The following PAH variants were observed in gnomAD, a reference collection of about 807,000 sequenced individuals.
PAH encodes phenylalanine hydroxylase.
PAH carries 64 observed loss-of-function variants against 62.0 expected under a neutral mutation model. The ratio of observed to expected loss-of-function variants is 1.03; its 90% CI spans 0.84 to 1.27. PAH has a LOEUF of 1.27. PAH is among the 50% of genes most tolerant of loss of function. The pLI, the probability that PAH is intolerant of heterozygous loss-of-function variation, is 0.00. For synonymous variants in PAH, 195 were observed against 196.2 expected (o/e 0.99, Z 0.05); for missense variants, 579 against 542.8 (o/e 1.07, Z -0.66).
upstream of PAH, chr12:102,958,399 A>G (rs1411842770): frequency 5.0e-6 from 7 of 1,403,070 alleles, no homozygotes; most frequent in Non-Finnish European, 5.8e-6. Context: ...AGCGCGCAGC[A>G]GCAGCAGCAG....
At chr12:102,852,690 C>T in intron 7 of PAH, 125 bp downstream of exon 7, 1 of 1,182,794 alleles carries the variant, frequency 8.5e-7, no homozygotes, top group South Asian at 1.2e-5. Context: ...TTTAGTACTA[C>T]CAGCAAACAG....
Position 102,877,457 on chromosome 12 carries a change from C to T in PAH, c.441+5G>A, listed in dbSNP as rs62507321. The T allele has an allele frequency of 6.2e-7, 1 of 1,610,430 alleles. No homozygotes were observed. Among genetic ancestry groups the T allele is most frequent in the Non-Finnish European group, 8.5e-7 (1 of 1,176,680 alleles). On this transcript the variant is annotated splice_donor_5th_base_variant and intron_variant, in intron 4 of 12. Coordinates refer to ENST00000553106, the MANE Select transcript of PAH (RefSeq NM_000277.3). ...AAAATCTCATCCTACGGGCCATGGA[C>T]TCACAGGGTGGTCAGCATCCAGTTC...
At chr12:102,942,646 C>T (rs1461178573) in intron 1 of PAH, among the ~76,000 whole-genome samples, 2 of 152,108 alleles carry the variant, frequency 1.3e-5, no homozygotes, top group East Asian at 1.9e-4. Context: ...AGAGGCATCA[C>T]ACTACCCAAC....
rs530451536 is a variant in PAH, at chr12:102,841,078, C to T, written c.1200-563G>A. Among the ~76,000 whole-genome samples the T allele has an allele frequency of 2.1e-3, 317 of 152,232 alleles. 1 individual carries two copies. Among genetic ancestry groups the T allele is most frequent in the Non-Finnish European group, 3.9e-3 (262 of 68,004 alleles). On this transcript the variant is annotated intron_variant, in intron 11 of 12. Coordinates refer to ENST00000553106, the MANE Select transcript of PAH (RefSeq NM_000277.3). ...CACAAAAACCTTAGGAGAAAGGCAC[C>T]ATTGCTATACCCATTTTATGGATGA...
At chr12:102,941,604 C>CT (rs1879290723) in intron 1 of PAH, among the ~76,000 whole-genome samples, 1 of 152,108 alleles carries the variant, frequency 6.6e-6, no homozygotes. Flanking sequence ...AACCAGAAGG[C>CT]TTAACTATCC....
intron 5 of PAH, among the ~76,000 whole-genome samples, chr12:102,860,154 C>G (rs1270967376): frequency 6.6e-6 from 1 of 152,162 alleles, no homozygotes; most frequent in Non-Finnish European, 1.5e-5. Context: ...AATCAATGTG[C>G]AAAAATCACA....
intron 5 of PAH, among the ~76,000 whole-genome samples, chr12:102,860,182 A>G: frequency 6.6e-6 from 1 of 152,178 alleles, no homozygotes; most frequent in East Asian, 1.9e-4. Context: ...TTATACACCA[A>G]TAACAGACAA....
At chr12:102,955,060 G>A (rs1879872790), upstream of PAH, among the ~76,000 whole-genome samples, 1 of 152,208 alleles carries the variant, frequency 6.6e-6, no homozygotes, top group Non-Finnish European at 1.5e-5. Context: ...TGTTCTGGCG[G>A]TTTTGGCCAG....
At chr12:102,920,315 G>A (rs1878520234), upstream of PAH, among the ~76,000 whole-genome samples, 1 of 152,138 alleles carries the variant, frequency 6.6e-6, no homozygotes, top group African/African-American at 2.4e-5. Flanking sequence ...GGGTGCTAAG[G>A]AAATGGAGGA....
At chr12:102,896,851 G>T (rs1237695834) in intron 2 of PAH, among the ~76,000 whole-genome samples, 2 of 152,298 alleles carry the variant, frequency 1.3e-5, no homozygotes, top group Middle Eastern at 3.4e-3. Context: ...TCATGGGCCA[G>T]GCTAGGTACT....
chr12:102,859,473 A>G (rs1875610902), intron 5 of PAH, among the ~76,000 whole-genome samples: 2 of 152,218 alleles, frequency 1.3e-5, no homozygotes, highest in Non-Finnish European at 2.9e-5. Flanking sequence ...AACTCATTTT[A>G]TGAGGCCAGC....
intron 2 of PAH, 31 bp downstream of exon 2, chr12:102,912,760 T>C (rs1250348172): frequency 7.1e-7 from 1 of 1,413,934 alleles, no homozygotes; most frequent in Admixed American, 1.7e-5. Flanking sequence ...GCTACGACAT[T>C]ATCCAAGACA....
intron 6 of PAH, chr12:102,854,887 G>A: frequency 1.8e-6 from 1 of 561,030 alleles, no homozygotes; most frequent in Non-Finnish European, 3.2e-6. Context: ...ATACTTTTCA[G>A]GGACAGGTAC....
intron 1 of PAH, among the ~76,000 whole-genome samples, chr12:102,948,339 A>G (rs4764923): frequency 0.15 from 22,244 of 152,106 alleles, 2,434 homozygotes; most frequent in African/African-American, 0.28. Flanking sequence ...GAGGCTACAT[A>G]TGGGAATGGA....
chr12:102,900,981 A>C (rs1877728461), intron 2 of PAH, among the ~76,000 whole-genome samples: 1 of 152,212 alleles, frequency 6.6e-6, no homozygotes, highest in South Asian at 2.1e-4. Flanking sequence ...TGGCAGCATA[A>C]AACCTTGCTA....
rs1281426722 is a variant in PAH, at chr12:102,957,518, G to A, written c.-96+677C>T. The stretch of plus-strand genomic sequence containing the variant: ...GGGGGAGAGGAGAGGAGGAGGGGGA[G>A]TTTAGGGAGTGGGTGGGAGGAAGAG... On this transcript the variant is annotated intron_variant, in intron 1 of 4. Coordinates refer to the PAH transcript ENST00000551337. This position sits in a 1 kb window ranked among gnomAD's most constrained non-coding sequence, Gnocchi z 4.1. 7.1e-6 allele frequency among the ~76,000 whole-genome samples: 1 copy of A among 141,056 alleles called. No individual in the cohort carries two copies. Among genetic ancestry groups the A allele is most frequent in the African/African-American group, 2.6e-5 (1 of 38,888 alleles). The allele number at this position is 141,056 out of a possible 152,430, so 92.5% of individuals were successfully genotyped here. A position where few individuals can be genotyped will look rare whatever the true frequency, so the allele number is the denominator to read the frequency against.
intron 1 of PAH, among the ~76,000 whole-genome samples, chr12:102,924,598 A>G (rs550268082): frequency 9.2e-5 from 14 of 152,290 alleles, no homozygotes; most frequent in Admixed American, 7.2e-4. Context: ...CCATCTCTGA[A>G]GACATTCCAT....
intron 4 of PAH, among the ~76,000 whole-genome samples, chr12:102,867,190 C>T (rs1241866059): frequency 2.6e-5 from 4 of 152,160 alleles, no homozygotes; most frequent in Admixed American, 2.0e-4. Context: ...CTTGCGAGTT[C>T]GATGAGTATG....
At chr12:102,866,369 G>A (rs1875961937) in intron 5 of PAH, among the ~76,000 whole-genome samples, 1 of 152,082 alleles carries the variant, frequency 6.6e-6, no homozygotes, top group Non-Finnish European at 1.5e-5. Flanking sequence ...CGCACAGTGG[G>A]TAATTTTGTT....
Sources: allele counts gnomAD v4.1 joint callset (sites outside exome capture counted in the v4.1 genomes callset), GRCh38; gene constraint gnomAD v4.1.1; non-coding constraint Gnocchi (gnomAD v3.1); transcripts MANE v1.5; gene names NCBI Gene and HGNC (gene_info 2026-07-23, HGNC 2026-07-21).